Variants in NEB observed in about 807,000 individuals in gnomAD.
NEB encodes nebulin, also known as nemaline myopathy type 2.
NEB carries 512 observed loss-of-function variants against 952.2 expected under a neutral mutation model. The ratio of observed to expected loss-of-function variants is 0.54; its 90% confidence interval spans 0.50 to 0.58. The LOEUF (loss-of-function observed/expected upper bound fraction) is 0.58, where lower values mean the gene tolerates loss of function less well. NEB is among the 20% of genes least tolerant of loss of function. The probability of loss-of-function intolerance (pLI) is 0.00; values close to 1 mark genes in which losing one functional copy is unlikely to be tolerated. For missense variants in NEB, 8,428 were observed against 9,231.1 expected (o/e 0.91, Z 3.56); for synonymous variants, 2,900 against 3,149.8 (o/e 0.92, Z 2.66).
intron 171 of NEB, 31 bp downstream of exon 171, chr2:151,497,595 A>T (rs760771870): frequency 1.3e-6 from 2 of 1,545,074 alleles, no homozygotes; most frequent in African/African-American, 2.8e-5. Context: ...ATCATTAAAT[A>T]AGTAGTTTTT....
Position 151,627,074 on chromosome 2 carries a change from C to G in NEB, c.10275G>C (p.Lys3425Asn), listed in dbSNP as rs1205545857. 6 of 1,613,830 alleles carry G rather than the reference C, an allele frequency of 3.7e-6. No individual in the cohort carries two copies. The highest frequency in any genetic ancestry group is 5.1e-6 in the Non-Finnish European group (6 of 1,179,884). The part of the protein sequence containing the change: ...SDNIYRQPPD[K>N]LKFTSVTDSL... ...AGTCAGTCACACTGGTAAATTTCAG[C>G]TTGTCCGGAGGCTGGCGGTAGATGT... Residue 3425 changes from lysine to asparagine, a missense_variant, in exon 70 of 182, where the codon AAG (lysine) becomes AAC (asparagine). This residue lies in a region of NEB where 1,772 missense variants were observed against 1,960.3 expected (regional missense o/e 0.90). Coordinates refer to ENST00000397345, the MANE Select transcript of NEB (RefSeq NM_001164508.2).
chr2:151,533,718 G>A (rs997061376), intron 142 of NEB, among the ~76,000 whole-genome samples, 172 bp from the exon 143 acceptor site: 16 of 152,196 alleles, frequency 1.1e-4, no homozygotes, highest in African/African-American at 3.4e-4. Flanking sequence ...CAGAATGACT[G>A]CAATGCTTGC....
intron 36 of NEB, among the ~76,000 whole-genome samples, chr2:151,673,874 C>T (rs138747940): frequency 6.6e-6 from 1 of 151,870 alleles, no homozygotes; most frequent in African/African-American, 2.4e-5. Context: ...GCTGGGACTA[C>T]AGGTGCCCGC....
At chr2:151,730,637 A>G (rs1006096764) in intron 3 of NEB, among the ~76,000 whole-genome samples, 1 of 149,938 alleles carries the variant, frequency 6.7e-6, no homozygotes, top group South Asian at 2.1e-4. Flanking sequence ...AAAAAAAAAA[A>G]GGATGTAAAA....
At chr2:151,568,478 T>C in intron 111 of NEB, 61 bp from the exon 112 acceptor site, 1 of 1,515,470 alleles carries the variant, frequency 6.6e-7, no homozygotes, top group Non-Finnish European at 9.2e-7. Context: ...CATCATGTTG[T>C]CCAAGCAATT....
rs1055735706 is a variant in NEB at position 151,642,698 on chromosome 2, T to G, written c.8266-17A>C. On this transcript the variant is annotated splice_polypyrimidine_tract_variant and intron_variant, in intron 59 of 181. Transcript: ENST00000397345. ...ATACAATTTCTAAAATAGACATTAA[T>G]AGTAAGTTGGATTTATAAAGTGCAT... is the stretch of plus-strand genomic sequence containing the variant. 3.1e-6 allele frequency: 5 copies of G among 1,611,374 alleles called. No homozygotes were observed. In the East Asian group the frequency reaches 8.9e-5, roughly 29 times the overall value.
At position 151,506,270 on chromosome 2, in the gene NEB, G is replaced by A. The variant is rs2068771128; in HGVS notation, c.23557-12C>T. The stretch of plus-strand genomic sequence containing the variant: ...TCTTTATATAAAACCTGGGCATTCA[G>A]AATCAGGACAGTGTTAACACAGAAG... On this transcript the variant is annotated splice_polypyrimidine_tract_variant and intron_variant, in intron 163 of 181. Transcript: ENST00000397345. The A allele has an allele frequency of 6.3e-7, 1 of 1,588,890 alleles. No individual in the cohort carries two copies. Among genetic ancestry groups the A allele is most frequent in the Non-Finnish European group, 8.6e-7 (1 of 1,157,428 alleles).
intron 17 of NEB, among the ~76,000 whole-genome samples, chr2:151,696,073 C>A (rs1050674507): frequency 6.6e-6 from 1 of 152,122 alleles, no homozygotes; most frequent in Non-Finnish European, 1.5e-5. Context: ...CTAATTGGAG[C>A]CTTCATTTCT....
intron 172 of NEB, among the ~76,000 whole-genome samples, chr2:151,496,664 T>G (rs2060426150): frequency 6.6e-6 from 1 of 152,158 alleles, no homozygotes. Context: ...ACATGAGGAT[T>G]TGAGACTGTT....
intron 60 of NEB, among the ~76,000 whole-genome samples, chr2:151,642,287 A>G (rs1342911510): frequency 6.6e-6 from 1 of 152,238 alleles, no homozygotes; most frequent in African/African-American, 2.4e-5. Flanking sequence ...GAGATACATC[A>G]TTGGAAAAGC....
At chr2:151,529,611 A>C (rs1359527328) in intron 145 of NEB, among the ~76,000 whole-genome samples, 1 of 151,510 alleles carries the variant, frequency 6.6e-6, no homozygotes, top group African/African-American at 2.4e-5. Context: ...GCTCACTGCA[A>C]CCTCCGCCTC....
At chr2:151,561,165 A>C (rs1309102566) in intron 122 of NEB, 43 bp downstream of exon 122, 3 of 1,575,708 alleles carry the variant, frequency 1.9e-6, no homozygotes, top group Non-Finnish European at 8.7e-7. Context: ...ACATAAAGAC[A>C]AGAAATAGTT....
At chr2:151,627,954 ATATCAGTT>A in intron 68 of NEB, 120 bp from the exon 69 acceptor site, 1 of 1,295,898 alleles carries the variant, frequency 7.7e-7, no homozygotes, top group South Asian at 1.5e-5. Context: ...AAGAATCTGC[ATATCAGTT>A]TATCTCCTCA....
Position 151,570,142 on chromosome 2 carries a change from G to T in NEB, c.17369C>A (p.Thr5790Asn). The change falls in exon 109 of 182, where the codon ACC becomes AAC. Residue 5790 changes from threonine (T) to asparagine (N), a missense_variant. Around this residue, in one of 11 missense-constraint regions of NEB, gnomAD observed 3,374 missense variants for 3,651.5 expected, o/e 0.92. Transcript: ENST00000397345. Reference protein sequence around the residue: ...MDYRNYLHQWTCMPDQNDVIQ... With the variant: ...MDYRNYLHQWNCMPDQNDVIQ... Reference sequence around the variant, plus strand: ...CACATCGTTCTGGTCGGGCATGCAGGTCCACTGGTGCAGGTAATTGCGGTA... The same window carrying T: ...CACATCGTTCTGGTCGGGCATGCAGTTCCACTGGTGCAGGTAATTGCGGTA... The T allele has an allele frequency of 6.2e-7, 1 of 1,613,284 alleles. No homozygotes were observed. Among genetic ancestry groups the T allele is most frequent in the Non-Finnish European group, 8.5e-7 (1 of 1,179,630 alleles).
intron 23 of NEB, among the ~76,000 whole-genome samples, chr2:151,691,492 G>A (rs1274888142): frequency 6.6e-6 from 1 of 152,142 alleles, no homozygotes; most frequent in Non-Finnish European, 1.5e-5. Context: ...TCCAGTGGGA[G>A]CTCAAGAGGT....
intron 136 of NEB, 128 bp from the exon 137 acceptor site, chr2:151,540,929 G>T: frequency 2.6e-6 from 2 of 780,642 alleles, no homozygotes; most frequent in East Asian, 2.7e-5. Flanking sequence ...ATGTTTGTTT[G>T]CTTGTTTTTT....
At chr2:151,624,903 A>G (rs1369564669) in intron 71 of NEB, among the ~76,000 whole-genome samples, 1 of 152,202 alleles carries the variant, frequency 6.6e-6, no homozygotes, top group African/African-American at 2.4e-5. Context: ...GATAGTTCAT[A>G]AAAGAATGTA....
At chr2:151,551,427 G>A (rs1382781171) in intron 129 of NEB, among the ~76,000 whole-genome samples, 8 of 152,146 alleles carry the variant, frequency 5.3e-5, no homozygotes, top group Non-Finnish European at 1.2e-4. Context: ...ATCTTTTATT[G>A]AGGTTAAAGG....
chr2:151,695,272 A>C (rs1247049715), intron 18 of NEB, among the ~76,000 whole-genome samples: 3 of 152,202 alleles, frequency 2.0e-5, no homozygotes, highest in Non-Finnish European at 4.4e-5. Context: ...ATTTAAATGA[A>C]TATATGGCTA....
Sources: allele counts gnomAD v4.1 joint callset (sites outside exome capture counted in the v4.1 genomes callset), GRCh38; gene constraint gnomAD v4.1.1; regional missense constraint gnomAD v4.1.1; transcripts MANE v1.5; gene names NCBI Gene and HGNC (gene_info 2026-07-23, HGNC 2026-07-21).